COL4A6: variants seen among roughly 807,000 people sequenced by gnomAD.
The protein encoded by COL4A6 is collagen alpha-6(IV) chain.
COL4A6 carries 59 observed loss-of-function variants against 126.7 expected under a neutral mutation model. That is an observed-to-expected ratio of 0.47 (90% CI 0.38 to 0.58). The LOEUF (loss-of-function observed/expected upper bound fraction) is 0.58. Among genes scored for constraint, COL4A6 ranks in the 20% least tolerant of loss-of-function variants. The pLI, the probability that COL4A6 is intolerant of heterozygous loss-of-function variation, is 0.00. For missense variants in COL4A6, 1,285 were observed against 1,337.3 expected (o/e 0.96, Z 0.61); for synonymous variants, 547 against 496.6 (o/e 1.10, Z -1.35).
At chrX:108,425,471 T>C (rs139106472) in intron 2 of COL4A6, among the ~76,000 whole-genome samples, 3,404 of 110,172 alleles carry the variant, frequency 0.031, 122 homozygotes, top group African/African-American at 0.11. Context: ...TGGTGGCTCA[T>C]GCCTGTAATC....
chrX:108,293,984 C>T (rs1467059729), intron 3 of COL4A6, among the ~76,000 whole-genome samples: 1 of 112,343 alleles, frequency 8.9e-6, no homozygotes, highest in East Asian at 2.8e-4. Flanking sequence ...GACAAGTACT[C>T]TATAATTCCA....
intron 2 of COL4A6, among the ~76,000 whole-genome samples, chrX:108,415,882 C>T (rs1048193467): frequency 5.4e-5 from 6 of 112,018 alleles, no homozygotes; most frequent in African/African-American, 1.9e-4. Context: ...ACACTGAAGA[C>T]CAAAGAGGGT....
intron 2 of COL4A6, among the ~76,000 whole-genome samples, chrX:108,377,145 T>C (rs1046302190): frequency 1.8e-5 from 2 of 112,775 alleles, no homozygotes; most frequent in African/African-American, 6.4e-5. Flanking sequence ...CAAAGGTCTC[T>C]GCATCATAAA....
chrX:108,358,073 A>G (rs746523920), intron 2 of COL4A6, among the ~76,000 whole-genome samples: 1 of 111,575 alleles, frequency 9.0e-6, no homozygotes, highest in South Asian at 3.8e-4. Context: ...CTTGCCTGAC[A>G]CCTTCCCCAA....
At chrX:108,209,040 T>G (rs776185481) in intron 8 of COL4A6, among the ~76,000 whole-genome samples, 1 of 112,237 alleles carries the variant, frequency 8.9e-6, no homozygotes, top group East Asian at 2.8e-4. Flanking sequence ...TTCTGTAAAT[T>G]TAATGAATAC....
intron 28 of COL4A6, among the ~76,000 whole-genome samples, chrX:108,176,378 GAA>G (rs71957378): frequency 1.0e-4 from 10 of 96,125 alleles, no homozygotes; most frequent in African/African-American, 3.8e-4. Context: ...TGTGATACAG[GAA>G]AAAAAAAAAA....
intron 2 of COL4A6, among the ~76,000 whole-genome samples, chrX:108,422,305 G>C (rs977697383): frequency 1.8e-5 from 2 of 111,574 alleles, no homozygotes; most frequent in Admixed American, 9.6e-5. Flanking sequence ...GTTCCAGGCT[G>C]CAATGAGCTA....
chrX:108,430,004 G>C (rs1368567766), intron 2 of COL4A6, among the ~76,000 whole-genome samples: 2 of 111,906 alleles, frequency 1.8e-5, no homozygotes, highest in Admixed American at 1.9e-4. Context: ...CTAAGTACAA[G>C]GTTGAAGAAT....
intron 2 of COL4A6, among the ~76,000 whole-genome samples, chrX:108,343,163 A>AGTGTGTGTGTG (rs1417437971): frequency 6.5e-4 from 21 of 32,484 alleles, no homozygotes; most frequent in African/African-American, 1.7e-3. Flanking sequence ...ATATATATAT[A>AGTGTGTGTGTG]TAGTGTGTGT....
At chrX:108,194,511 G>C in intron 16 of COL4A6, 23 bp downstream of exon 16, 1 of 1,198,945 alleles carries the variant, frequency 8.3e-7, no homozygotes, top group Non-Finnish European at 1.1e-6. Context: ...ACCAACCCTG[G>C]ATTTTTCACT....
At chrX:108,244,111 A>AT (rs34464429) in intron 3 of COL4A6, among the ~76,000 whole-genome samples, 123 of 89,057 alleles carry the variant, frequency 1.4e-3, no homozygotes, top group Middle Eastern at 0.012. Flanking sequence ...ATGTTCACCA[A>AT]TTTTTTTTTT....
chrX:108,187,375 G>T (rs1377423007), intron 22 of COL4A6, 96 bp from the exon 23 acceptor site: 2 of 727,496 alleles, frequency 2.7e-6, no homozygotes, highest in African/African-American at 2.2e-5. Flanking sequence ...TGTGACCAAT[G>T]CTTTGTGTTT....
intron 3 of COL4A6, among the ~76,000 whole-genome samples, chrX:108,307,887 A>G (rs188220389): frequency 4.5e-5 from 5 of 111,696 alleles, no homozygotes; most frequent in Admixed American, 3.8e-4. Context: ...TGGTGCTTCA[A>G]GCATCCACGT....
chrX:108,283,103 T>A (rs1396928323), intron 3 of COL4A6, among the ~76,000 whole-genome samples: 1 of 107,220 alleles, frequency 9.3e-6, no homozygotes, highest in African/African-American at 3.4e-5. Context: ...CATATGTAAC[T>A]AACCTGCACA....
At chrX:108,193,494 C>T (rs2035117029) in intron 17 of COL4A6, 134 bp downstream of exon 17, 1 of 520,329 alleles carries the variant, frequency 1.9e-6, no homozygotes, top group African/African-American at 2.4e-5. Flanking sequence ...AGCTCAGGAG[C>T]CATGAGGGGC....
chrX:108,281,982 T>A (rs1316483550), intron 3 of COL4A6, among the ~76,000 whole-genome samples: 1 of 110,327 alleles, frequency 9.1e-6, no homozygotes, highest in Admixed American at 9.6e-5. Flanking sequence ...TTACACCTTA[T>A]ACAAAAATTA....
chrX:108,238,523 T>C (rs1048805488), intron 3 of COL4A6, among the ~76,000 whole-genome samples: 9 of 110,120 alleles, frequency 8.2e-5, no homozygotes, highest in African/African-American at 2.3e-4. Flanking sequence ...AACTACTTTG[T>C]TGCTTCTAAC....
intron 3 of COL4A6, among the ~76,000 whole-genome samples, chrX:108,241,954 A>G (rs1461845211): frequency 3.2e-4 from 35 of 108,456 alleles, no homozygotes; most frequent in African/African-American, 1.1e-3. Context: ...ATTGGTAGAT[A>G]CTATTAACAA....
chrX:108,292,685 A>G (rs2038191884), intron 3 of COL4A6, among the ~76,000 whole-genome samples: 1 of 111,089 alleles, frequency 9.0e-6, no homozygotes, highest in Admixed American at 9.6e-5. Context: ...CAACAGCAAG[A>G]GAAATAAAAC....
Sources: gnomAD v4.1 joint callset for allele counts (sites outside exome capture counted in the v4.1 genomes callset) on GRCh38, gnomAD v4.1.1 for gene constraint, MANE v1.5 for transcripts, NCBI Gene and HGNC (gene_info 2026-07-23, HGNC 2026-07-21) for gene names.